The following AUTS2 variants were observed in gnomAD, a reference collection of about 807,000 sequenced individuals.
AUTS2 encodes autism susceptibility gene 2 protein.
In AUTS2, 17 loss-of-function variants were observed where a neutral mutation model predicts 112.4. The observed-to-expected ratio is 0.15, with a 90% CI of 0.10 to 0.23. The LOEUF (loss-of-function observed/expected upper bound fraction) is 0.23, where lower values mean the gene tolerates loss of function less well. Ranked by LOEUF, AUTS2 falls within the 10% of genes least tolerant of loss-of-function variation. The pLI is 1.00. For synonymous variants in AUTS2, 751 were observed against 702.7 expected, an observed-to-expected ratio of 1.07 and a Z score of -1.09; for missense variants, 1,510 against 1,701.6, an observed-to-expected ratio of 0.89 and a Z score of 1.98.
intron 5 of AUTS2, among the ~76,000 whole-genome samples, chr7:70,629,665 A>G (rs1805156250): frequency 6.6e-6 from 1 of 152,042 alleles, no homozygotes; most frequent in Non-Finnish European, 1.5e-5. Context: ...CTGACCATAT[A>G]AGCTGACCCT....
chr7:70,357,482 T>G (rs1792064025), intron 4 of AUTS2, among the ~76,000 whole-genome samples: 1 of 152,196 alleles, frequency 6.6e-6, no homozygotes, highest in Non-Finnish European at 1.5e-5. Context: ...TGTCTCATAG[T>G]TGAACTCCTG....
At chr7:69,625,487 T>C (rs776689282) in intron 1 of AUTS2, among the ~76,000 whole-genome samples, 23 of 152,086 alleles carry the variant, frequency 1.5e-4, no homozygotes, top group Non-Finnish European at 2.9e-4. Context: ...CTGGTTTCCT[T>C]TCTTTTTTGG....
At chr7:70,240,200 G>A (rs1488205137) in intron 4 of AUTS2, among the ~76,000 whole-genome samples, 1 of 152,132 alleles carries the variant, frequency 6.6e-6, no homozygotes, top group Admixed American at 6.5e-5. Flanking sequence ...AACACAGCTG[G>A]GTTCAATATG....
chr7:70,446,764 T>C (rs1047822261), intron 5 of AUTS2, among the ~76,000 whole-genome samples: 1 of 152,158 alleles, frequency 6.6e-6, no homozygotes, highest in African/African-American at 2.4e-5. Context: ...GGCGGTCTGA[T>C]GGGGAGTCCA....
chr7:69,756,688 G>A (rs1787959161), intron 1 of AUTS2, among the ~76,000 whole-genome samples: 1 of 151,946 alleles, frequency 6.6e-6, no homozygotes, highest in Non-Finnish European at 1.5e-5. Context: ...TGAATGCAGG[G>A]ATGACTTGCT....
intron 6 of AUTS2, among the ~76,000 whole-genome samples, chr7:70,750,050 G>C (rs1391885759): frequency 6.6e-6 from 1 of 152,180 alleles, no homozygotes; most frequent in East Asian, 1.9e-4. Context: ...CAAAAGATGA[G>C]CTTAGGGCCA....
chr7:69,910,650 A>G (rs1433721542), intron 2 of AUTS2, among the ~76,000 whole-genome samples: 1 of 152,090 alleles, frequency 6.6e-6, no homozygotes, highest in African/African-American at 2.4e-5. Context: ...TTTCTTTGAG[A>G]CGGAGTCTTG....
chr7:70,211,583 A>G (rs1396515829), intron 4 of AUTS2, among the ~76,000 whole-genome samples: 1 of 151,232 alleles, frequency 6.6e-6, no homozygotes, highest in Non-Finnish European at 1.5e-5. Flanking sequence ...TGGGAGGCGG[A>G]GGTTGCAGTG....
intron 5 of AUTS2, among the ~76,000 whole-genome samples, chr7:70,524,224 G>A (rs1184917132): frequency 6.6e-6 from 1 of 152,190 alleles, no homozygotes; most frequent in Non-Finnish European, 1.5e-5. Flanking sequence ...GAACCATGCA[G>A]ATGATCCAGT....
chr7:70,039,228 G>C (rs986347659), intron 2 of AUTS2, among the ~76,000 whole-genome samples: 1 of 152,094 alleles, frequency 6.6e-6, no homozygotes, highest in Non-Finnish European at 1.5e-5. Context: ...ATTTAACTTA[G>C]TTATAATGGG....
rs117127823 is a variant in AUTS2, at chr7:69,809,775, C to A, written c.310-89511C>A. Among the ~76,000 whole-genome samples, 344 of 152,268 alleles carry A rather than the reference C, an allele frequency of 2.3e-3. 2 individuals carry two copies. The highest frequency in any genetic ancestry group is 0.017 in the Middle Eastern group (5 of 294). Reference sequence around the variant, plus strand: ...GCCCCAATAGGTACAACAGATTGTTCTGCTTGTAACCAATCAATACCACAA... The same window carrying A: ...GCCCCAATAGGTACAACAGATTGTTATGCTTGTAACCAATCAATACCACAA... On this transcript the variant is annotated intron_variant, in intron 1 of 18. Coordinates refer to ENST00000342771, the MANE Select transcript of AUTS2 (RefSeq NM_015570.4).
chr7:69,913,034 G>A (rs1795428533), intron 2 of AUTS2, among the ~76,000 whole-genome samples: 1 of 152,172 alleles, frequency 6.6e-6, no homozygotes, highest in South Asian at 2.1e-4. Context: ...CTGCTGCAAT[G>A]TACCTTCCCA....
At chr7:70,524,551 C>G (rs889746042) in intron 5 of AUTS2, among the ~76,000 whole-genome samples, 2 of 152,188 alleles carry the variant, frequency 1.3e-5, no homozygotes, top group Admixed American at 6.5e-5. Context: ...AGGCTGCTTC[C>G]TCTCAAGTGA....
intron 2 of AUTS2, among the ~76,000 whole-genome samples, chr7:69,906,599 G>A (rs563521316): frequency 6.6e-6 from 1 of 152,346 alleles, no homozygotes; most frequent in Admixed American, 6.5e-5. Flanking sequence ...CTTTCGAGGA[G>A]CTGTTAATTG....
intron 4 of AUTS2, among the ~76,000 whole-genome samples, chr7:70,240,811 T>TA (rs1812572278): frequency 6.6e-6 from 1 of 152,200 alleles, no homozygotes; most frequent in African/African-American, 2.4e-5. Flanking sequence ...GTGTTTATAG[T>TA]AAAAAAGTTT....
intron 5 of AUTS2, among the ~76,000 whole-genome samples, chr7:70,590,642 G>A (rs1374437668): frequency 1.3e-5 from 2 of 152,066 alleles, no homozygotes; most frequent in Admixed American, 1.3e-4. Context: ...CTGTTAAATC[G>A]TAAATACACT....
chr7:70,142,014 C>G (rs1364897647), intron 4 of AUTS2, among the ~76,000 whole-genome samples: 1 of 152,198 alleles, frequency 6.6e-6, no homozygotes, highest in Non-Finnish European at 1.5e-5. Context: ...GAGAAAAGAT[C>G]AATTGGTGTT....
chr7:69,708,577 A>G (rs1798169156), intron 1 of AUTS2, among the ~76,000 whole-genome samples: 1 of 152,248 alleles, frequency 6.6e-6, no homozygotes, highest in African/African-American at 2.4e-5. Context: ...TATTATGTCC[A>G]CAGTATCTGG....
At chr7:69,638,209 G>C (rs73167506) in intron 1 of AUTS2, among the ~76,000 whole-genome samples, 1 of 152,044 alleles carries the variant, frequency 6.6e-6, no homozygotes. Flanking sequence ...TAGAGACAAG[G>C]TCTTGCTTTG....
Sources: gnomAD v4.1 joint callset for allele counts (sites outside exome capture counted in the v4.1 genomes callset) on GRCh38, gnomAD v4.1.1 for gene constraint, MANE v1.5 for transcripts, NCBI Gene and HGNC (gene_info 2026-07-23, HGNC 2026-07-21) for gene names.